The following MYT1L variants were observed in gnomAD, a reference collection of about 807,000 sequenced individuals.
The protein encoded by MYT1L is myelin transcription factor 1 like.
Under a neutral mutation model 126.7 loss-of-function variants are expected in MYT1L, and 12 were observed. That is an observed-to-expected ratio of 0.09 (90% CI 0.06 to 0.15). MYT1L has a LOEUF of 0.15. Among genes scored for constraint, MYT1L ranks in the 10% least tolerant of loss-of-function variants. MYT1L has a pLI of 1.00. For synonymous variants in MYT1L, 541 were observed against 604.2 expected (o/e 0.90, Z 1.53); for missense variants, 979 against 1,585.2 (o/e 0.62, Z 6.49).
At chr2:1,903,965 G>A (rs577993913) in intron 13 of MYT1L, among the ~76,000 whole-genome samples, 79 of 152,346 alleles carry the variant, frequency 5.2e-4, no homozygotes, top group African/African-American at 1.9e-3. Flanking sequence ...GCGCGCGTGT[G>A]TGTGTCCACC....
intron 1 of MYT1L, among the ~76,000 whole-genome samples, chr2:2,312,961 G>A (rs1158603404): frequency 6.6e-6 from 1 of 152,126 alleles, no homozygotes. Context: ...TGGTTGAGTG[G>A]CTATTGTTTG....
At chr2:2,285,643 T>G (rs1157012712) in intron 1 of MYT1L, among the ~76,000 whole-genome samples, 3 of 152,222 alleles carry the variant, frequency 2.0e-5, no homozygotes, top group Non-Finnish European at 4.4e-5. Context: ...TTCTATTTTG[T>G]GACATGTTCC....
At chr2:1,905,435 C>A (rs2050925264) in intron 13 of MYT1L, among the ~76,000 whole-genome samples, 1 of 151,684 alleles carries the variant, frequency 6.6e-6, no homozygotes, top group Non-Finnish European at 1.5e-5. Flanking sequence ...CTCAATGCAA[C>A]CTCCACCTCC....
At chr2:1,886,768 C>T (rs539494416) in intron 17 of MYT1L, among the ~76,000 whole-genome samples, 161 bp from the exon 18 acceptor site, 199 of 151,850 alleles carry the variant, frequency 1.3e-3, no homozygotes, top group Non-Finnish European at 1.5e-3. Flanking sequence ...TGAATCGGTT[C>T]GAATATAAAT....
At chr2:2,163,075 G>A (rs1227155238) in intron 3 of MYT1L, among the ~76,000 whole-genome samples, 1 of 152,198 alleles carries the variant, frequency 6.6e-6, no homozygotes, top group African/African-American at 2.4e-5. Flanking sequence ...TCTTGGCTAA[G>A]TGGGTCTATC....
chr2:2,315,580 C>A (rs2096052474), intron 1 of MYT1L, among the ~76,000 whole-genome samples: 1 of 152,054 alleles, frequency 6.6e-6, no homozygotes, highest in African/African-American at 2.4e-5. Flanking sequence ...TAAGTATTAG[C>A]CATTGTTATT....
At chr2:2,114,208 G>A (rs1429473783) in intron 3 of MYT1L, among the ~76,000 whole-genome samples, 2 of 152,214 alleles carry the variant, frequency 1.3e-5, no homozygotes, top group Non-Finnish European at 2.9e-5. Flanking sequence ...TCAAAATGTG[G>A]TGCTATTTCC....
At chr2:2,131,214 G>T (rs1423664050) in intron 3 of MYT1L, among the ~76,000 whole-genome samples, 1 of 152,186 alleles carries the variant, frequency 6.6e-6, no homozygotes, top group Non-Finnish European at 1.5e-5. Flanking sequence ...CAGCTCGGAG[G>T]AAAAGACAGG....
chr2:2,053,501 G>C (rs2069098062), intron 4 of MYT1L, among the ~76,000 whole-genome samples: 1 of 152,196 alleles, frequency 6.6e-6, no homozygotes, highest in Admixed American at 6.5e-5. Context: ...CACAGTGGCA[G>C]CAAGGGACGT....
intron 9 of MYT1L, among the ~76,000 whole-genome samples, chr2:1,923,747 T>C (rs988695963): frequency 6.6e-6 from 1 of 152,192 alleles, no homozygotes; most frequent in African/African-American, 2.4e-5. Context: ...CACAGTGGCG[T>C]GTAGGCAACA....
intron 1 of MYT1L, among the ~76,000 whole-genome samples, chr2:2,300,904 T>C (rs2149525022): frequency 6.6e-6 from 1 of 152,302 alleles, no homozygotes; most frequent in South Asian, 2.1e-4. Context: ...TCCTGATTTT[T>C]GCTGTGCCAT....
rs568853505 is a variant in MYT1L, at chr2:1,888,053, C to T, written c.2521-444G>A. Among the ~76,000 whole-genome samples the T allele has an allele frequency of 3.9e-5, 6 of 152,336 alleles. No individual in the cohort carries two copies. In the South Asian group the frequency reaches 1.2e-3, roughly 32 times the overall value. On this transcript the variant is annotated intron_variant, in intron 16 of 24. Transcript: ENST00000647738. ...TTGGTCAGTATTTTACAAGCACATG[C>T]TTTAAGATTCAAGGTAATGGAGACC...
At chr2:2,280,015 T>C (rs1573106702) in intron 2 of MYT1L, among the ~76,000 whole-genome samples, 1 of 152,106 alleles carries the variant, frequency 6.6e-6, no homozygotes, top group Non-Finnish European at 1.5e-5. Context: ...TAGATGGATA[T>C]AAGAAGTAGT....
intron 4 of MYT1L, among the ~76,000 whole-genome samples, chr2:1,998,478 C>A (rs1002363650): frequency 6.6e-6 from 1 of 152,160 alleles, no homozygotes; most frequent in African/African-American, 2.4e-5. Flanking sequence ...CCACCTTGTC[C>A]ACTTCTGCTG....
intron 3 of MYT1L, among the ~76,000 whole-genome samples, chr2:2,171,087 C>T (rs1235153632): frequency 6.6e-6 from 1 of 152,178 alleles, no homozygotes; most frequent in Non-Finnish European, 1.5e-5. Context: ...TCCCGGCGGA[C>T]ACTCCACTGA....
At chr2:1,920,123 G>A (rs2053384853) in intron 10 of MYT1L, among the ~76,000 whole-genome samples, 1 of 152,196 alleles carries the variant, frequency 6.6e-6, no homozygotes, top group Non-Finnish European at 1.5e-5. Flanking sequence ...AGAGCAGGAA[G>A]ACCTGGAACA....
rs749215430 is a variant in MYT1L at position 1,839,306 on chromosome 2, C to T, written c.2923G>A (p.Ala975Thr). 6.8e-6 allele frequency: 11 copies of T among 1,613,624 alleles called. No individual in the cohort carries two copies. Among genetic ancestry groups the T allele is most frequent in the Admixed American group, 3.3e-5 (2 of 60,036 alleles). ...ITGKYASHRS[A>T]SGCPLAAKRQ... The stretch of plus-strand genomic sequence containing the variant: ...TTGGCCGCCAAGGGGCACCCGGAGG[C>T]GCTGCGATGGGACGCGTACTTCCCA... The change falls in exon 21 of 25, where the codon GCC (alanine) becomes ACC (threonine). Residue 975 changes from alanine to threonine, a missense_variant. Physicochemically the swap from Ala to Thr is moderately conservative, Grantham distance 58. Transcript: ENST00000647738.
At chr2:1,819,257 G>C (rs1184984241) in intron 21 of MYT1L, among the ~76,000 whole-genome samples, 1 of 152,180 alleles carries the variant, frequency 6.6e-6, no homozygotes, top group African/African-American at 2.4e-5. Context: ...GTCATCAAAC[G>C]TCCTATCTCT....
chr2:1,834,560 T>C (rs1222920988), intron 21 of MYT1L, among the ~76,000 whole-genome samples: 2 of 152,144 alleles, frequency 1.3e-5, no homozygotes, highest in African/African-American at 4.8e-5. Context: ...TGGGGCTCCA[T>C]GAAATAGGAC....
Sources: gnomAD v4.1 joint callset for allele counts (sites outside exome capture counted in the v4.1 genomes callset) on GRCh38, gnomAD v4.1.1 for gene constraint, MANE v1.5 for transcripts, NCBI Gene and HGNC (gene_info 2026-07-23, HGNC 2026-07-21) for gene names.